The following CHD9 variants were observed in gnomAD, a reference collection of about 807,000 sequenced individuals.
CHD9 encodes the protein ATP-dependent chromatin remodeler CHD9.
A neutral mutation model predicts 316.1 loss-of-function variants in CHD9; 77 were observed. That is an observed-to-expected ratio of 0.24 (90% CI 0.20 to 0.29). The LOEUF is 0.29. CHD9 is among the 10% of genes least tolerant of loss of function. The pLI is 1.00. For missense variants in CHD9, 2,763 were observed against 3,438.1 expected (o/e 0.80, Z 4.91); for synonymous variants, 1,129 against 1,158.3 (o/e 0.97, Z 0.51).
intron 1 of CHD9, among the ~76,000 whole-genome samples, chr16:53,117,448 T>A (rs1438484640): frequency 6.6e-6 from 1 of 151,926 alleles, no homozygotes; most frequent in African/African-American, 2.4e-5. Context: ...AGAATCTCAC[T>A]CTGTTGCCTA....
chr16:53,130,520 G>A (rs907901805), intron 1 of CHD9, among the ~76,000 whole-genome samples: 1 of 149,420 alleles, frequency 6.7e-6, no homozygotes, highest in Non-Finnish European at 1.5e-5. Flanking sequence ...CCGTGAGGGC[G>A]CGGCCTGACG....
intron 1 of CHD9, among the ~76,000 whole-genome samples, chr16:53,139,991 C>T (rs1327612350): frequency 1.3e-5 from 2 of 150,698 alleles, no homozygotes; most frequent in East Asian, 2.0e-4. Context: ...TCCAGCTACT[C>T]GAGAGGCTGA....
At chr16:53,264,738 G>T (rs1225751756) in intron 20 of CHD9, among the ~76,000 whole-genome samples, 1 of 152,132 alleles carries the variant, frequency 6.6e-6, no homozygotes, top group East Asian at 1.9e-4. Context: ...ACGGAGACTT[G>T]AATGAAGAGA....
intron 1 of CHD9, among the ~76,000 whole-genome samples, chr16:53,106,152 C>A (rs1450522663): frequency 6.6e-6 from 1 of 152,130 alleles, no homozygotes; most frequent in Non-Finnish European, 1.5e-5. Context: ...TTTTCATGTG[C>A]TAAAGTGGCC....
chr16:53,219,566 CT>C (rs1453470975), intron 3 of CHD9, among the ~76,000 whole-genome samples: 2 of 152,138 alleles, frequency 1.3e-5, no homozygotes, highest in East Asian at 3.8e-4. Context: ...AACCAGAAGA[CT>C]CTTGTGTCAG....
At chr16:53,225,625 T>C (rs1055346787) in intron 4 of CHD9, among the ~76,000 whole-genome samples, 14 of 152,140 alleles carry the variant, frequency 9.2e-5, no homozygotes, top group Admixed American at 2.0e-4. Flanking sequence ...TGTAATACTT[T>C]GTAAAAGGCT....
intron 1 of CHD9, among the ~76,000 whole-genome samples, chr16:53,080,670 C>T (rs1321129771): frequency 6.6e-6 from 1 of 152,160 alleles, no homozygotes; most frequent in African/African-American, 2.4e-5. Flanking sequence ...GTAGTAAATA[C>T]CGTGACTCTC....
chr16:53,092,044 T>C (rs984207889), intron 1 of CHD9, among the ~76,000 whole-genome samples: 1 of 152,192 alleles, frequency 6.6e-6, no homozygotes, highest in African/African-American at 2.4e-5. Context: ...GTGACCAAAC[T>C]GCATAATGAG....
chr16:53,109,727 C>T (rs1165269364), intron 1 of CHD9, among the ~76,000 whole-genome samples: 1 of 136,264 alleles, frequency 7.3e-6, no homozygotes, highest in African/African-American at 2.8e-5. Flanking sequence ...CTCCGTCACC[C>T]AGGCTGGAGT....
At position 53,303,786 on chromosome 16, in the gene CHD9, G is replaced by C; in HGVS notation, c.5780G>C (p.Arg1927Pro). ...GAACGTGCTTCTAGGACTTTGTATC[G>C]CATTGAACTTCTAAGGAAAGTACGG... ...TEERASRTLYRIELLRKVREQ... is the reference protein window; with the variant it reads ...TEERASRTLYPIELLRKVREQ... Residue 1927 changes from arginine (R) to proline (P), a missense_variant, in exon 31 of 39, where the codon CGC (arginine) becomes CCC (proline). Transcript: ENST00000447540. 1.2e-6 allele frequency: 2 copies of C among 1,613,830 alleles called. No individual in the cohort carries two copies. The highest frequency in any genetic ancestry group is 1.7e-6 in the Non-Finnish European group (2 of 1,179,838).
chr16:53,161,087 A>G (rs552376598), intron 2 of CHD9, among the ~76,000 whole-genome samples: 3 of 152,160 alleles, frequency 2.0e-5, no homozygotes, highest in South Asian at 2.1e-4. Context: ...CCTGTCTCAA[A>G]AAAAGGAAAA....
At chr16:53,137,099 A>G (rs2039774251) in intron 1 of CHD9, among the ~76,000 whole-genome samples, 1 of 151,588 alleles carries the variant, frequency 6.6e-6, no homozygotes, top group African/African-American at 2.4e-5. Flanking sequence ...TTAGCCTCCC[A>G]AGTAGCTGGG....
At chr16:53,251,475 G>T (rs2050122690) in intron 17 of CHD9, among the ~76,000 whole-genome samples, 3 of 152,132 alleles carry the variant, frequency 2.0e-5, no homozygotes, top group Admixed American at 2.0e-4. Context: ...TTGGCCTCTT[G>T]TACTTCCCCT....
intron 38 of CHD9, 23 bp downstream of exon 38, chr16:53,321,653 C>T: frequency 8.0e-7 from 1 of 1,246,516 alleles, no homozygotes; most frequent in Non-Finnish European, 1.1e-6. Flanking sequence ...CGAATACTAA[C>T]TCATACATTA....
At chr16:53,092,801 A>C (rs1232648624) in intron 1 of CHD9, among the ~76,000 whole-genome samples, 2 of 151,420 alleles carry the variant, frequency 1.3e-5, no homozygotes, top group Non-Finnish European at 2.9e-5. Flanking sequence ...TATTTAGAGA[A>C]AGGATCTCAC....
chr16:53,269,066 C>T lies in CHD9; in HGVS notation c.4717+940C>T, dbSNP rs899948961. Among the ~76,000 whole-genome samples the T allele has an allele frequency of 3.9e-5, 6 of 152,000 alleles. 1 individual carries two copies. The highest frequency in any genetic ancestry group is 1.2e-4 in the African/African-American group (5 of 41,396). ...AAGCAATCCTTCCCCCTCAGCCACC[C>T]GAAGTGCTGGGATCACAGACATGAG... On this transcript the variant is annotated intron_variant, in intron 22 of 38. Transcript: ENST00000447540.
chr16:53,199,797 A>G (rs548455837), intron 2 of CHD9, among the ~76,000 whole-genome samples: 3 of 152,368 alleles, frequency 2.0e-5, no homozygotes, highest in African/African-American at 7.2e-5. Flanking sequence ...AAACTGGAAT[A>G]TCTTACAGTA....
At chr16:53,272,263 C>A in intron 22 of CHD9, among the ~76,000 whole-genome samples, 1 of 151,428 alleles carries the variant, frequency 6.6e-6, no homozygotes, top group Non-Finnish European at 1.5e-5. Flanking sequence ...GGGACACTAC[C>A]TAATAATTAA....
chr16:53,210,196 G>C (rs1352002111), intron 3 of CHD9, among the ~76,000 whole-genome samples: 3 of 151,426 alleles, frequency 2.0e-5, no homozygotes, highest in Admixed American at 1.3e-4. Flanking sequence ...TTTTTCTCTT[G>C]GTTGTACTTG....
Sources: gnomAD v4.1 joint callset for allele counts (sites outside exome capture counted in the v4.1 genomes callset) on GRCh38, gnomAD v4.1.1 for gene constraint, MANE v1.5 for transcripts, NCBI Gene and HGNC (gene_info 2026-07-23, HGNC 2026-07-21) for gene names.